SGCZ: variants seen among roughly 807,000 people sequenced by gnomAD.
SGCZ encodes zeta-sarcoglycan.
SGCZ carries 40 observed loss-of-function variants against 41.3 expected under a neutral mutation model. The ratio of observed to expected loss-of-function variants is 0.97; its 90% CI spans 0.75 to 1.26. The LOEUF (loss-of-function observed/expected upper bound fraction) is 1.26. Among genes scored for constraint, SGCZ ranks in the 50% most tolerant of loss-of-function variants. The pLI is 0.00. For synonymous variants in SGCZ, 206 were observed against 137.5 expected (o/e 1.50, Z -3.49); for missense variants, 552 against 369.8 (o/e 1.49, Z -4.04).
intron 1 of SGCZ, among the ~76,000 whole-genome samples, chr8:14,663,982 C>T (rs914700880): frequency 6.6e-6 from 1 of 152,120 alleles, no homozygotes; most frequent in Admixed American, 6.6e-5. Flanking sequence ...CTTCCCTATT[C>T]TACTGTGTCA....
chr8:14,917,650 A>G (rs1414972550), intron 1 of SGCZ, among the ~76,000 whole-genome samples: 1 of 152,154 alleles, frequency 6.6e-6, no homozygotes, highest in Non-Finnish European at 1.5e-5. Context: ...TTAATAGATC[A>G]CTTACTTTAC....
intron 2 of SGCZ, among the ~76,000 whole-genome samples, chr8:14,500,617 T>A (rs530745647): frequency 6.6e-6 from 1 of 152,196 alleles, no homozygotes; most frequent in East Asian, 1.9e-4. Context: ...CTACGAAAGA[T>A]AGGATTTAAT....
intron 1 of SGCZ, among the ~76,000 whole-genome samples, chr8:15,104,564 C>T (rs558089786): frequency 2.0e-5 from 3 of 152,276 alleles, no homozygotes; most frequent in South Asian, 2.1e-4. Flanking sequence ...GAAATAGCCA[C>T]GCAAATTTTC....
chr8:15,080,464 A>G (rs1000554909), intron 1 of SGCZ, among the ~76,000 whole-genome samples: 1 of 151,992 alleles, frequency 6.6e-6, no homozygotes, highest in African/African-American at 2.4e-5. Flanking sequence ...TGCACCCCCA[A>G]CGCCAGCCTA....
chr8:14,793,907 A>G (rs963170839), intron 1 of SGCZ, among the ~76,000 whole-genome samples: 1 of 152,170 alleles, frequency 6.6e-6, no homozygotes, highest in Non-Finnish European at 1.5e-5. Context: ...TAAGAAATGC[A>G]AAATTCTAAA....
chr8:14,778,250 C>A (rs752001630), intron 1 of SGCZ, among the ~76,000 whole-genome samples: 7 of 152,098 alleles, frequency 4.6e-5, no homozygotes, highest in Non-Finnish European at 8.8e-5. Flanking sequence ...TTAACACAGG[C>A]TTTTGGGGCC....
chr8:15,065,883 G>T (rs1805121875), intron 1 of SGCZ, among the ~76,000 whole-genome samples: 1 of 152,134 alleles, frequency 6.6e-6, no homozygotes, highest in Non-Finnish European at 1.5e-5. Context: ...ATTTTTGAAT[G>T]ATTGAAATTT....
At chr8:14,471,792 C>T (rs937492359) in intron 2 of SGCZ, among the ~76,000 whole-genome samples, 8 of 152,066 alleles carry the variant, frequency 5.3e-5, no homozygotes, top group Non-Finnish European at 1.2e-4. Flanking sequence ...ACATGAAATA[C>T]ATATCTGCCA....
chr8:15,066,122 C>T (rs1312206898), intron 1 of SGCZ, among the ~76,000 whole-genome samples: 4 of 151,746 alleles, frequency 2.6e-5, no homozygotes, highest in Admixed American at 1.3e-4. Flanking sequence ...TCCTGGCTAA[C>T]AAGGTGAAAC....
intron 1 of SGCZ, among the ~76,000 whole-genome samples, chr8:14,793,962 C>T (rs530802821): frequency 6.6e-6 from 1 of 152,204 alleles, no homozygotes; most frequent in Admixed American, 6.5e-5. Flanking sequence ...ACTATACCAG[C>T]CAGATTATAT....
chr8:14,571,188 G>C (rs989370309), intron 1 of SGCZ, among the ~76,000 whole-genome samples: 4 of 152,058 alleles, frequency 2.6e-5, no homozygotes, highest in Admixed American at 6.5e-5. Context: ...GAGATAGCAG[G>C]GGAAACCGCC....
At chr8:14,234,001 G>C (rs973833656) in intron 4 of SGCZ, among the ~76,000 whole-genome samples, 2 of 151,830 alleles carry the variant, frequency 1.3e-5, no homozygotes, top group Non-Finnish European at 2.9e-5. Flanking sequence ...GAAATCTTGA[G>C]TTCATCAATC....
chr8:14,588,534 A>G (rs1392967040), intron 1 of SGCZ, among the ~76,000 whole-genome samples: 1 of 152,188 alleles, frequency 6.6e-6, no homozygotes, highest in Non-Finnish European at 1.5e-5. Context: ...TGTGATTCAA[A>G]TATTACAACA....
chr8:14,818,828 T>C (rs529362514), intron 1 of SGCZ, among the ~76,000 whole-genome samples: 8 of 151,920 alleles, frequency 5.3e-5, no homozygotes, highest in Non-Finnish European at 8.8e-5. Flanking sequence ...AAGCAGAAGA[T>C]AGAATTTCTG....
At chr8:15,181,689 C>T (rs1800185392) in intron 1 of SGCZ, among the ~76,000 whole-genome samples, 1 of 152,050 alleles carries the variant, frequency 6.6e-6, no homozygotes, top group African/African-American at 2.4e-5. Flanking sequence ...GATAACTTTT[C>T]GAAAGTCGCT....
At chr8:15,123,549 A>G (rs754589500) in intron 1 of SGCZ, among the ~76,000 whole-genome samples, 5 of 152,190 alleles carry the variant, frequency 3.3e-5, no homozygotes, top group African/African-American at 1.2e-4. Flanking sequence ...AGGTTCAGGG[A>G]AGTTATTACG....
chr8:14,147,352 AAAAG>A (rs953547204), intron 5 of SGCZ, among the ~76,000 whole-genome samples: 3 of 152,168 alleles, frequency 2.0e-5, no homozygotes, highest in Non-Finnish European at 4.4e-5. Context: ...ACACAGACTG[AAAAG>A]AAAGGTATGG....
chr8:14,115,077 G>C (rs1342520472), intron 5 of SGCZ, among the ~76,000 whole-genome samples: 3 of 151,908 alleles, frequency 2.0e-5, no homozygotes, highest in Non-Finnish European at 4.4e-5. Flanking sequence ...TGGACGAGCA[G>C]AGCTTTCTTC....
intron 2 of SGCZ, among the ~76,000 whole-genome samples, chr8:14,380,171 T>TTA: frequency 6.6e-6 from 1 of 152,326 alleles, no homozygotes; most frequent in African/African-American, 2.4e-5. Flanking sequence ...TATGCAAGCT[T>TTA]TATATAGTAC....
Sources: allele counts gnomAD v4.1 joint callset (sites outside exome capture counted in the v4.1 genomes callset), GRCh38; gene constraint gnomAD v4.1.1; transcripts MANE v1.5; gene names NCBI Gene and HGNC (gene_info 2026-07-23, HGNC 2026-07-21).